SNTA1: variants seen among roughly 807,000 people sequenced by gnomAD.
The protein encoded by SNTA1 is syntrophin alpha 1.
SNTA1 carries 31 observed loss-of-function variants against 47.1 expected under a neutral mutation model. That is an observed-to-expected ratio of 0.66 (90% CI 0.49 to 0.89). The LOEUF (loss-of-function observed/expected upper bound fraction) is 0.89. Ranked by LOEUF, SNTA1 falls within the 40% of genes least tolerant of loss-of-function variation. The pLI is 0.00. For synonymous variants in SNTA1, 300 were observed against 313.6 expected, an observed-to-expected ratio of 0.96 and a Z score of 0.46; for missense variants, 575 against 693.0, an observed-to-expected ratio of 0.83 and a Z score of 1.91.
In SNTA1 at chr20:33,438,918, C is replaced by G. The variant is rs768194552; in HGVS notation, c.419G>C (p.Gly140Ala). ...ATGGGTAGCAGAGGACAAGTCTTCC[C>G]CATTCACAGACAGGATGGCATCCCC... ...FVGDAILSVN[G>A]EDLSSATHDE... The change falls in exon 2 of 8, where the codon GGG (glycine) becomes GCG (alanine). Residue 140 changes from glycine (G) to alanine (A), a missense_variant. Coordinates refer to ENST00000217381, the MANE Select transcript of SNTA1 (RefSeq NM_003098.3). 3.1e-6 allele frequency: 5 copies of G among 1,614,028 alleles called. No homozygotes were observed. In the Admixed American group the frequency reaches 8.3e-5, roughly 27 times the overall value.
At chr20:33,430,027 A>T (rs1349182652) in intron 2 of SNTA1, among the ~76,000 whole-genome samples, 2 of 152,134 alleles carry the variant, frequency 1.3e-5, no homozygotes, top group African/African-American at 4.8e-5. Flanking sequence ...TAAATTTTCT[A>T]AAAAATCTAG....
At position 33,429,334 on chromosome 20, in the gene SNTA1, TAAAAAAAAAAAAAAAAAAA is replaced by T. The variant is rs35077145; in HGVS notation, c.496+9488_496+9506del. ...CTGGGTAACACAGTAAGACTCCACC[TAAAAAAAAAAAAAAAAAAA>T]AAAAAAAAAAAAATTGGGTCAGGCA... On this transcript the variant is annotated intron_variant, in intron 2 of 7. Coordinates refer to ENST00000217381, the MANE Select transcript of SNTA1 (RefSeq NM_003098.3). 5.1e-3 allele frequency among the ~76,000 whole-genome samples: 128 copies of T among 25,126 alleles called. 1 individual carries two copies. The East Asian group carries it at 0.12, about 23-fold the overall frequency. 16.5% of individuals were successfully genotyped at this position (25,126 alleles called of 152,430 possible).
intron 2 of SNTA1, among the ~76,000 whole-genome samples, chr20:33,433,396 C>T (rs1990360688): frequency 6.6e-6 from 1 of 151,686 alleles, no homozygotes; most frequent in East Asian, 1.9e-4. Flanking sequence ...TCCCGAGTAG[C>T]TGGGATTACA....
chr20:33,434,466 T>C (rs1398018796), intron 2 of SNTA1, among the ~76,000 whole-genome samples: 1 of 152,142 alleles, frequency 6.6e-6, no homozygotes, highest in Non-Finnish European at 1.5e-5. Context: ...TTCTTTCTCT[T>C]ACCCAGGCCA....
chr20:33,420,220 A>C (rs1989987114), intron 2 of SNTA1, among the ~76,000 whole-genome samples: 1 of 152,084 alleles, frequency 6.6e-6, no homozygotes, highest in South Asian at 2.1e-4. Context: ...CACTGTGCCC[A>C]GCCTACTTTT....
intron 2 of SNTA1, among the ~76,000 whole-genome samples, chr20:33,436,963 C>CA (rs1208975922): frequency 0.052 from 2,758 of 52,970 alleles, 112 homozygotes; most frequent in Admixed American, 0.089. Context: ...GACTCCATCT[C>CA]AAAAAAAAAA....
chr20:33,428,746 T>A (rs920676382), intron 2 of SNTA1, among the ~76,000 whole-genome samples: 2 of 152,004 alleles, frequency 1.3e-5, no homozygotes, highest in African/African-American at 2.4e-5. Flanking sequence ...AGCTAATTTT[T>A]AAAAAATTTT....
At chr20:33,428,146 C>T (rs1260708485) in intron 2 of SNTA1, among the ~76,000 whole-genome samples, 1 of 152,096 alleles carries the variant, frequency 6.6e-6, no homozygotes, top group Non-Finnish European at 1.5e-5. Context: ...GTGGCTCACA[C>T]GTGTAATCCC....
At chr20:33,424,932 C>A (rs576262974) in intron 2 of SNTA1, among the ~76,000 whole-genome samples, 1 of 151,792 alleles carries the variant, frequency 6.6e-6, no homozygotes, top group East Asian at 2.0e-4. Flanking sequence ...CTGACTAACA[C>A]GGTGAAACCC....
chr20:33,433,791 G>A (rs1227350873), intron 2 of SNTA1, among the ~76,000 whole-genome samples: 4 of 152,128 alleles, frequency 2.6e-5, no homozygotes, highest in Non-Finnish European at 4.4e-5. Context: ...CCAGACTGTG[G>A]TCACAAACAC....
chr20:33,416,627 GA>G lies in SNTA1; in HGVS notation c.701+1091del, dbSNP rs544975785. On this transcript the variant is annotated intron_variant, in intron 3 of 7. Coordinates refer to ENST00000217381, the MANE Select transcript of SNTA1 (RefSeq NM_003098.3). ...CGAAACCAGCGTGGCCAACATGGTG[GA>G]ACCCCATCTCTACAAAAAATACAAA... Among the ~76,000 whole-genome samples the G allele has an allele frequency of 9.5e-4, 144 of 152,074 alleles. 1 individual carries two copies. Among genetic ancestry groups the G allele is most frequent in the Non-Finnish European group, 1.8e-3 (124 of 67,988 alleles).
intron 2 of SNTA1, among the ~76,000 whole-genome samples, chr20:33,436,276 T>C (rs886254363): frequency 1.3e-5 from 2 of 152,168 alleles, no homozygotes; most frequent in African/African-American, 2.4e-5. Context: ...ATTGTGTCTA[T>C]AGCAGAAATT....
At position 33,443,693 on chromosome 20, in the gene SNTA1, C is replaced by A; in HGVS notation, c.-73G>T. On this transcript the variant is annotated 5_prime_UTR_variant, in exon 1 of 8. Transcript: ENST00000217381. Reference sequence around the variant, plus strand: ...GCCCAGCCCGCTCCGACCAAGCGCCCAGGGCAGAGGGCAGCGGGGGCCCGG... The same window carrying A: ...GCCCAGCCCGCTCCGACCAAGCGCCAAGGGCAGAGGGCAGCGGGGGCCCGG... 1 of 1,004,882 alleles carries A rather than the reference C, an allele frequency of 1.0e-6. No individual in the cohort carries two copies. Among genetic ancestry groups the A allele is most frequent in the East Asian group, 4.9e-5 (1 of 20,344 alleles). 62.2% of individuals were successfully genotyped at this position (1,004,882 alleles called of 1,614,324 possible).
At chr20:33,439,242 G>A (rs1990521894) in intron 1 of SNTA1, among the ~76,000 whole-genome samples, 1 of 152,170 alleles carries the variant, frequency 6.6e-6, no homozygotes. Flanking sequence ...GGTGGCTCAT[G>A]CCTGTAATCC....
chr20:33,424,623 C>T (rs913525496), intron 2 of SNTA1, among the ~76,000 whole-genome samples: 2 of 151,962 alleles, frequency 1.3e-5, no homozygotes, highest in Admixed American at 6.6e-5. Context: ...AAGCGATCCT[C>T]CCACCTCAGC....
At chr20:33,415,580 C>T (rs1989854730) in intron 3 of SNTA1, among the ~76,000 whole-genome samples, 1 of 150,764 alleles carries the variant, frequency 6.6e-6, no homozygotes, top group African/African-American at 2.4e-5. Flanking sequence ...CTCAAGAGTT[C>T]AAGACCAGCC....
At position 33,439,034 on chromosome 20, in the gene SNTA1, G is replaced by A; in HGVS notation, c.311-8C>T. 6.2e-7 allele frequency: 1 copy of A among 1,613,512 alleles called. No homozygotes were observed. The highest frequency in any genetic ancestry group is 8.5e-7 in the Non-Finnish European group (1 of 1,179,470). On this transcript the variant is annotated splice_region_variant and splice_polypyrimidine_tract_variant and intron_variant, in intron 1 of 7. Coordinates refer to ENST00000217381, the MANE Select transcript of SNTA1 (RefSeq NM_003098.3). Reference sequence around the variant, plus strand: ...TCTTGTTCTCCCGGCCGCCTGCACAGGTACAGAAGGAGGACAAGACTTAGG... The same window carrying A: ...TCTTGTTCTCCCGGCCGCCTGCACAAGTACAGAAGGAGGACAAGACTTAGG...
At chr20:33,411,352 C>T (rs558180009) in intron 5 of SNTA1, among the ~76,000 whole-genome samples, 29 of 152,180 alleles carry the variant, frequency 1.9e-4, no homozygotes, top group African/African-American at 6.7e-4. Context: ...CACCCAGACA[C>T]AAGCTCCAAA....
chr20:33,427,846 G>GC (rs1990203425), intron 2 of SNTA1, among the ~76,000 whole-genome samples: 1 of 152,106 alleles, frequency 6.6e-6, no homozygotes, highest in Non-Finnish European at 1.5e-5. Context: ...CTTGGTGCCT[G>GC]CATCTAGTCC....
Sources: gnomAD v4.1 joint callset for allele counts (sites outside exome capture counted in the v4.1 genomes callset) on GRCh38, gnomAD v4.1.1 for gene constraint, MANE v1.5 for transcripts, NCBI Gene and HGNC (gene_info 2026-07-23, HGNC 2026-07-21) for gene names.